The following CLDN12 variants were observed in gnomAD, a reference collection of about 807,000 sequenced individuals.
CLDN12 encodes claudin 12.
A neutral mutation model predicts 15.5 loss-of-function variants in CLDN12; 9 were observed. The observed-to-expected ratio is 0.58, with a 90% confidence interval of 0.35 to 1.02. The LOEUF (loss-of-function observed/expected upper bound fraction) is 1.02. CLDN12 is among the 50% of genes least tolerant of loss of function. The pLI, the probability that CLDN12 is intolerant of heterozygous loss-of-function variation, is 0.02. For missense variants in CLDN12, 233 were observed against 297.3 expected (o/e 0.78, Z 1.59); for synonymous variants, 140 against 121.6 (o/e 1.15, Z -1.00).
chr7:90,406,362 G>A (rs1412580831), intron 2 of CLDN12, among the ~76,000 whole-genome samples: 1 of 152,120 alleles, frequency 6.6e-6, no homozygotes, highest in Non-Finnish European at 1.5e-5. Context: ...ACTTTTCTGA[G>A]TCACGGTGGA....
At position 90,414,898 on chromosome 7, in the gene CLDN12, A is replaced by C. The variant is rs552033731; in HGVS notation, c.*1487A>C. The C allele has an allele frequency of 6.0e-6, 1 of 167,076 alleles. No individual in the cohort carries two copies. The highest frequency in any genetic ancestry group is 1.5e-5 in the Non-Finnish European group (1 of 68,118). The allele number at this position is 167,076 out of a possible 1,614,324, so 10.3% of individuals were successfully genotyped here. A position where few individuals can be genotyped will look rare whatever the true frequency, so the allele number is the denominator to read the frequency against. On this transcript the variant is annotated 3_prime_UTR_variant, in exon 4 of 4. Coordinates refer to ENST00000496677, the MANE Select transcript of CLDN12 (RefSeq NM_001185072.3). ...AGCTGAGATGAACACTTAGAAATTC[A>C]GGGATATTGGGTCTTTAGCCTTATG...
At chr7:90,406,519 G>A (rs1796839343) in intron 2 of CLDN12, among the ~76,000 whole-genome samples, 1 of 152,080 alleles carries the variant, frequency 6.6e-6, no homozygotes, top group South Asian at 2.1e-4. Context: ...CAGAAGAAAA[G>A]TATGTTTCTA....
chr7:90,409,170 T>C (rs1215393209), intron 2 of CLDN12: 1 of 152,220 alleles, frequency 6.6e-6, no homozygotes, highest in African/African-American at 2.4e-5. Flanking sequence ...CTCAATTACA[T>C]TGAAATTCCA....
chr7:90,404,081 G>A (rs1170350168), intron 1 of CLDN12, among the ~76,000 whole-genome samples: 2 of 152,090 alleles, frequency 1.3e-5, no homozygotes, highest in African/African-American at 4.8e-5. Context: ...TGGAAGCTTG[G>A]TTTGCTTTCC....
rs932326055 is a variant in CLDN12 at position 90,414,361 on chromosome 7, ACCTTGATTCATTCAC to A, written c.*963_*977del. ...TGAAGTAAGGTATGGCTTTACCATA[ACCTTGATTCATTCAC>A]CCTTGATTCATTTCTCGCCCCCGTC... On this transcript the variant is annotated 3_prime_UTR_variant, in exon 4 of 4. Transcript: ENST00000496677. The A allele has an allele frequency of 5.0e-6, 5 of 1,000,088 alleles. No homozygotes were observed. In the Admixed American group the frequency reaches 3.1e-4, roughly 61 times the overall value. The allele number at this position is 1,000,088 out of a possible 1,614,324, so 62.0% of individuals were successfully genotyped here.
At chr7:90,404,890 AT>A (rs71104465) in intron 1 of CLDN12, among the ~76,000 whole-genome samples, 181 of 141,974 alleles carry the variant, frequency 1.3e-3, no homozygotes, top group Admixed American at 1.8e-3. Flanking sequence ...CAGCCTTTTT[AT>A]TTTTTTTTTT....
chr7:90,405,127 A>G (rs17869629), intron 1 of CLDN12, among the ~76,000 whole-genome samples: 2 of 152,134 alleles, frequency 1.3e-5, no homozygotes, highest in African/African-American at 4.8e-5. Context: ...CAGTGGTGCA[A>G]TCTCAGCTCA....
chr7:90,409,193 C>A (rs922110889), intron 2 of CLDN12: 2 of 152,096 alleles, frequency 1.3e-5, no homozygotes, highest in African/African-American at 4.8e-5. Context: ...TATTTCTATA[C>A]TACTTTTGTT....
chr7:90,411,771 C>T (rs1796968541), intron 2 of CLDN12, among the ~76,000 whole-genome samples: 1 of 152,160 alleles, frequency 6.6e-6, no homozygotes, highest in South Asian at 2.1e-4. Context: ...GTGCCTAGTA[C>T]ATAGGAATGA....
Position 90,413,560 on chromosome 7 carries a change from T to C in CLDN12, c.*149T>C, listed in dbSNP as rs1331745815. ...ATGTCCTAGTAGAATGAAGTGCTGC[T>C]AGTTTTTATGAGAAGTATATTATAT... On this transcript the variant is annotated 3_prime_UTR_variant, in exon 4 of 4. Coordinates refer to ENST00000496677, the MANE Select transcript of CLDN12 (RefSeq NM_001185072.3). The C allele has an allele frequency of 2.8e-6, 4 of 1,434,908 alleles. No individual in the cohort carries two copies. The highest frequency in any genetic ancestry group is 3.7e-6 in the Non-Finnish European group (4 of 1,093,760). The allele number at this position is 1,434,908 out of a possible 1,614,324, so 88.9% of individuals were successfully genotyped here. A position where few individuals can be genotyped will look rare whatever the true frequency, so the allele number is the denominator to read the frequency against.
At chr7:90,403,653 G>T (rs2115853690) in intron 1 of CLDN12, 104 bp downstream of exon 1, 2 of 152,274 alleles carry the variant, frequency 1.3e-5, no homozygotes, top group Middle Eastern at 6.8e-3. Context: ...GTTGGAAAAC[G>T]CTGACCACAT....
chr7:90,414,187 A>G lies in CLDN12; in HGVS notation c.*776A>G. On this transcript the variant is annotated 3_prime_UTR_variant, in exon 4 of 4. Transcript: ENST00000496677. ...CTTCCATCAAGCAGTACTCGTGCCC[A>G]TATACAATCTCTTAGTGGCTAGGAG... 4 of 1,000,256 alleles carry G rather than the reference A, an allele frequency of 4.0e-6. No individual in the cohort carries two copies. Among genetic ancestry groups the G allele is most frequent in the Non-Finnish European group, 4.8e-6 (4 of 829,986 alleles). The allele number at this position is 1,000,256 out of a possible 1,614,324, so 62.0% of individuals were successfully genotyped here. A position where few individuals can be genotyped will look rare whatever the true frequency, so the allele number is the denominator to read the frequency against.
chr7:90,408,318 C>T (rs1453182740), intron 2 of CLDN12, among the ~76,000 whole-genome samples: 5 of 152,076 alleles, frequency 3.3e-5, no homozygotes, highest in Non-Finnish European at 5.9e-5. Context: ...GCCTGGGCAA[C>T]ACAGCAAGAC....
At chr7:90,406,947 A>G (rs528161990) in intron 2 of CLDN12, among the ~76,000 whole-genome samples, 1 of 152,274 alleles carries the variant, frequency 6.6e-6, no homozygotes, top group African/African-American at 2.4e-5. Flanking sequence ...AAAACTATAT[A>G]TTGTTTAGCT....
intron 2 of CLDN12, among the ~76,000 whole-genome samples, chr7:90,410,376 A>G (rs1796933466): frequency 6.6e-6 from 1 of 152,250 alleles, no homozygotes; most frequent in South Asian, 2.1e-4. Flanking sequence ...CTAAACTAAT[A>G]CTAATGGAAA....
chr7:90,411,659 A>T (rs1001887137), intron 2 of CLDN12, among the ~76,000 whole-genome samples: 2 of 152,196 alleles, frequency 1.3e-5, no homozygotes, highest in Non-Finnish European at 1.5e-5. Context: ...TGAATCAACA[A>T]GGAAGTAATT....
intron 1 of CLDN12, among the ~76,000 whole-genome samples, chr7:90,405,228 A>G (rs543836828): frequency 6.6e-6 from 1 of 152,096 alleles, no homozygotes; most frequent in Non-Finnish European, 1.5e-5. Context: ...ATGCCCAGCT[A>G]ATTTTTGTAT....
At chr7:90,408,237 T>C (rs886548867) in intron 2 of CLDN12, among the ~76,000 whole-genome samples, 3 of 152,202 alleles carry the variant, frequency 2.0e-5, no homozygotes, top group African/African-American at 7.2e-5. Context: ...GCATGGTGGC[T>C]TACTTTTGTA....
At chr7:90,410,614 A>G (rs1229058473) in intron 2 of CLDN12, among the ~76,000 whole-genome samples, 2 of 152,180 alleles carry the variant, frequency 1.3e-5, no homozygotes, top group Non-Finnish European at 2.9e-5. Context: ...AGGCAGCAAG[A>G]TTGCTTGAGG....
Sources: allele counts gnomAD v4.1 joint callset (sites outside exome capture counted in the v4.1 genomes callset), GRCh38; gene constraint gnomAD v4.1.1; transcripts MANE v1.5; gene names NCBI Gene and HGNC (gene_info 2026-07-23, HGNC 2026-07-21).